The following CDC42BPB variants were observed in gnomAD, a reference collection of about 807,000 sequenced individuals.
CDC42BPB encodes CDC42 binding protein kinase beta, also known as serine/threonine-protein kinase MRCK beta.
Under a neutral mutation model 214.9 loss-of-function variants are expected in CDC42BPB, and 37 were observed. The observed-to-expected ratio is 0.17, with a 90% CI of 0.13 to 0.23. CDC42BPB has a LOEUF of 0.23. Ranked by LOEUF, CDC42BPB falls within the 10% of genes least tolerant of loss-of-function variation. CDC42BPB has a pLI of 1.00. For missense variants in CDC42BPB, 1,694 were observed against 2,227.0 expected (o/e 0.76, Z 4.82); for synonymous variants, 931 against 884.0 (o/e 1.05, Z -0.94).
At position 103,004,000 on chromosome 14, in the gene CDC42BPB, G is replaced by A. The variant is rs900551603; in HGVS notation, c.375C>T (p.Arg125=). 4.5e-5 allele frequency: 73 copies of A among 1,607,066 alleles called. No individual in the cohort carries two copies. Among genetic ancestry groups the A allele is most frequent in the Non-Finnish European group, 5.4e-5 (64 of 1,179,130 alleles). Residue 125 remains arginine (R), a synonymous_variant, in exon 4 of 37, where the codon CGC becomes CGT. Coordinates refer to ENST00000361246, the MANE Select transcript of CDC42BPB (RefSeq NM_006035.4). ...RAETACFREE[R]DVLVNGDCQW... ...GGCAGTCGCCGTTCACCAGCACATCGCGCTCCTCTCGGAAGCACGCGGTCT... is the reference window on the plus strand; with the variant it reads ...GGCAGTCGCCGTTCACCAGCACATCACGCTCCTCTCGGAAGCACGCGGTCT...
chr14:102,935,173 ATC>A (rs1331128000), intron 36 of CDC42BPB, among the ~76,000 whole-genome samples: 2 of 152,236 alleles, frequency 1.3e-5, no homozygotes, highest in Non-Finnish European at 2.9e-5. Context: ...AAGTAAAGCT[ATC>A]TCTCTTTGCA....
intron 2 of CDC42BPB, among the ~76,000 whole-genome samples, chr14:103,011,590 C>T (rs1595143021): frequency 6.6e-6 from 1 of 151,624 alleles, no homozygotes; most frequent in Non-Finnish European, 1.5e-5. Context: ...ACAAAAAATA[C>T]AAAAATTAGC....
At chr14:103,011,085 C>G (rs7145445) in intron 2 of CDC42BPB, among the ~76,000 whole-genome samples, 36,212 of 152,222 alleles carry the variant, frequency 0.24, 5,422 homozygotes, top group Non-Finnish European at 0.33. Flanking sequence ...TCAAACCACC[C>G]GAGGCGGTAC....
At chr14:103,042,456 G>A (rs935710821) in intron 1 of CDC42BPB, among the ~76,000 whole-genome samples, 5 of 152,032 alleles carry the variant, frequency 3.3e-5, no homozygotes, top group African/African-American at 7.2e-5. Flanking sequence ...GACTACAGGC[G>A]CCTGCCACCA....
chr14:102,953,133 C>T (rs1413931291), intron 23 of CDC42BPB, among the ~76,000 whole-genome samples: 1 of 152,266 alleles, frequency 6.6e-6, no homozygotes, highest in African/African-American at 2.4e-5. Flanking sequence ...CAAGGCTGAA[C>T]AGAGGGTCGT....
intron 20 of CDC42BPB, among the ~76,000 whole-genome samples, chr14:102,960,221 A>G (rs571386008): frequency 1.3e-5 from 2 of 151,830 alleles, no homozygotes; most frequent in East Asian, 3.9e-4. Flanking sequence ...AAACAAAAAC[A>G]AAAAACAAAA....
At chr14:102,936,634 G>A (rs1285384875) in intron 36 of CDC42BPB, among the ~76,000 whole-genome samples, 1 of 152,176 alleles carries the variant, frequency 6.6e-6, no homozygotes, top group South Asian at 2.1e-4. Context: ...AGGGCAGGGG[G>A]TTTATTTTGA....
intron 4 of CDC42BPB, among the ~76,000 whole-genome samples, chr14:103,002,669 G>T (rs1032017600): frequency 6.6e-6 from 1 of 152,124 alleles, no homozygotes; most frequent in African/African-American, 2.4e-5. Context: ...TGCTCGCCAG[G>T]CTGGGGCTGG....
chr14:103,039,327 GA>G (rs1887852123), intron 1 of CDC42BPB, among the ~76,000 whole-genome samples: 2 of 112,976 alleles, frequency 1.8e-5, no homozygotes, highest in Non-Finnish European at 1.9e-5. Context: ...TACAAGGAAA[GA>G]AAACTAGAAT....
chr14:102,975,823 C>T lies in CDC42BPB; in HGVS notation c.1388-20G>A, dbSNP rs1893713945. Reference sequence around the variant, plus strand: ...TGGACTCTGAGGGATGGAGAGACAGCGTGAGGTGCAGCCTGGCCGCAGCGC... The same window carrying T: ...TGGACTCTGAGGGATGGAGAGACAGTGTGAGGTGCAGCCTGGCCGCAGCGC... On this transcript the variant is annotated intron_variant, in intron 10 of 36. Transcript: ENST00000361246. 4.3e-6 allele frequency: 7 copies of T among 1,614,072 alleles called. No individual in the cohort carries two copies. The highest frequency in any genetic ancestry group is 1.7e-5 in the Admixed American group (1 of 60,030).
intron 10 of CDC42BPB, 23 bp downstream of exon 10, chr14:102,975,860 C>T: frequency 1.2e-6 from 2 of 1,613,940 alleles, no homozygotes; most frequent in Non-Finnish European, 1.7e-6. Flanking sequence ...CCCGCCTGGC[C>T]CCGGAGCCGG....
At chr14:102,951,468 C>A (rs1892487631) in intron 24 of CDC42BPB, among the ~76,000 whole-genome samples, 2 of 152,100 alleles carry the variant, frequency 1.3e-5, no homozygotes, top group African/African-American at 4.8e-5. Context: ...AATCCCAGCA[C>A]AGGGCAAGAG....
chr14:102,950,370 G>A (rs1020836636), intron 25 of CDC42BPB, 96 bp downstream of exon 25: 16 of 1,488,092 alleles, frequency 1.1e-5, no homozygotes, highest in Non-Finnish European at 1.4e-5. Flanking sequence ...GCCACCTGCC[G>A]CAGCAAGGGG....
At chr14:102,975,555 C>CT (rs1480689523) in intron 11 of CDC42BPB, 129 bp downstream of exon 11, 15 of 1,020,400 alleles carry the variant, frequency 1.5e-5, no homozygotes, top group South Asian at 1.1e-4. Context: ...TTTGAGAACT[C>CT]TAAATAAGCT....
intron 4 of CDC42BPB, among the ~76,000 whole-genome samples, chr14:103,000,933 C>T (rs1212987547): frequency 1.3e-5 from 2 of 152,224 alleles, no homozygotes; most frequent in South Asian, 2.1e-4. Flanking sequence ...TCAGACTCCA[C>T]GCCCATCACA....
chr14:102,944,626 C>G lies in CDC42BPB; in HGVS notation c.3812-139G>C. On this transcript the variant is annotated intron_variant, in intron 29 of 36. Transcript: ENST00000361246. This position sits in a 1 kb window ranked among gnomAD's most constrained non-coding sequence, Gnocchi z 6.6. The stretch of plus-strand genomic sequence containing the variant: ...CCTTCCTGTGTGCACAGCCTGAGCC[C>G]GGCCCTGAGCCCGTCTCTGCCCACA... 3 of 1,449,654 alleles carry G rather than the reference C, an allele frequency of 2.1e-6. No homozygotes were observed. The highest frequency in any genetic ancestry group is 2.5e-5 in the East Asian group (1 of 40,044). 89.8% of individuals were successfully genotyped at this position (1,449,654 alleles called of 1,614,324 possible). A position where few individuals can be genotyped will look rare whatever the true frequency, so the allele number is the denominator to read the frequency against.
chr14:102,974,280 T>TCACACA, intron 11 of CDC42BPB, 131 bp from the exon 12 acceptor site: 1 of 1,213,442 alleles, frequency 8.2e-7, no homozygotes, highest in South Asian at 1.6e-5. Flanking sequence ...GTTTTTTTAC[T>TCACACA]TACACACACA....
intron 29 of CDC42BPB, chr14:102,945,321 G>A: frequency 2.1e-6 from 1 of 471,762 alleles, no homozygotes; most frequent in Non-Finnish European, 4.2e-6. Context: ...TCCTCGCTGG[G>A]AAGACTGAAG....
chr14:102,999,701 C>T lies in CDC42BPB; in HGVS notation c.460G>A (p.Asp154Asn). ...AGTAAATCACCACCCACATAGTAATCCATGACTAAGTACTACAAATTGGAA... is the reference window on the plus strand; with the variant it reads ...AGTAAATCACCACCCACATAGTAATTCATGACTAAGTACTACAAATTGGAA... The part of the protein sequence containing the change: ...QDENHLYLVM[D>N]YYVGGDLLTL... Residue 154 changes from aspartate (D) to asparagine (N), a missense_variant, in exon 5 of 37, where the codon GAT becomes AAT. Around this residue, in one of 7 missense-constraint regions of CDC42BPB, gnomAD observed 225 missense variants for 459.3 expected, o/e 0.49. Coordinates refer to ENST00000361246, the MANE Select transcript of CDC42BPB (RefSeq NM_006035.4). The T allele has an allele frequency of 1.2e-6, 2 of 1,614,136 alleles. No homozygotes were observed. Among genetic ancestry groups the T allele is most frequent in the Non-Finnish European group, 1.7e-6 (2 of 1,180,014 alleles).
Sources: allele counts gnomAD v4.1 joint callset (sites outside exome capture counted in the v4.1 genomes callset), GRCh38; gene constraint gnomAD v4.1.1; regional missense constraint gnomAD v4.1.1; non-coding constraint Gnocchi (gnomAD v3.1); transcripts MANE v1.5; gene names NCBI Gene and HGNC (gene_info 2026-07-23, HGNC 2026-07-21).